Variants in ANKS1B observed in about 807,000 individuals in gnomAD.
The protein encoded by ANKS1B is ankyrin repeat and sterile alpha motif domain containing 1B.
In ANKS1B, 36 loss-of-function variants were observed where a neutral mutation model predicts 148.3. The observed-to-expected ratio is 0.24, with a 90% CI of 0.19 to 0.32. The LOEUF is 0.32. Ranked by LOEUF, ANKS1B falls within the 10% of genes least tolerant of loss-of-function variation. ANKS1B has a pLI of 1.00. For missense variants in ANKS1B, 1,157 were observed against 1,542.6 expected (o/e 0.75, Z 4.19); for synonymous variants, 542 against 560.8 (o/e 0.97, Z 0.47).
At chr12:99,286,401 A>G (rs2079120585) in intron 12 of ANKS1B, among the ~76,000 whole-genome samples, 1 of 151,918 alleles carries the variant, frequency 6.6e-6, no homozygotes, top group Admixed American at 6.6e-5. Context: ...AACATGAGCA[A>G]TACCCAGGCA....
intron 14 of ANKS1B, among the ~76,000 whole-genome samples, chr12:99,218,579 A>T (rs1007642749): frequency 3.9e-5 from 6 of 152,204 alleles, no homozygotes; most frequent in Admixed American, 3.9e-4. Flanking sequence ...CCCTGGAAAG[A>T]TTCATGAAAT....
At chr12:99,945,400 C>G (rs1030504975) in intron 1 of ANKS1B, among the ~76,000 whole-genome samples, 32 of 145,458 alleles carry the variant, frequency 2.2e-4, no homozygotes, top group Admixed American at 1.9e-3. Flanking sequence ...TGGACAAAAA[C>G]AAAAGTAGTA....
chr12:98,941,979 AC>A (rs2099837501), intron 17 of ANKS1B, among the ~76,000 whole-genome samples: 1 of 152,178 alleles, frequency 6.6e-6, no homozygotes, highest in African/African-American at 2.4e-5. Flanking sequence ...ACAGTGGCTC[AC>A]GCCTGTAATC....
intron 8 of ANKS1B, among the ~76,000 whole-genome samples, chr12:99,700,102 T>G (rs1055934242): frequency 1.3e-5 from 2 of 152,182 alleles, no homozygotes; most frequent in African/African-American, 4.8e-5. Flanking sequence ...AGAAGACAAC[T>G]TTTAAAATAT....
chr12:99,317,676 C>T lies in ANKS1B; in HGVS notation c.1757-70812G>A, dbSNP rs552053390. ...TTATTTCTTTCTCCTGCCTGATTTG[C>T]CCTGGCCAGAACTTCCAACACTATG... On this transcript the variant is annotated intron_variant, in intron 12 of 26. Coordinates refer to ENST00000683438, the MANE Select transcript of ANKS1B (RefSeq NM_001352186.2). 1.4e-4 allele frequency among the ~76,000 whole-genome samples: 22 copies of T among 152,262 alleles called. 1 individual carries two copies. Among genetic ancestry groups the T allele is most frequent in the Admixed American group, 1.0e-3 (16 of 15,284 alleles).
chr12:99,837,014 T>C (rs973131429), intron 1 of ANKS1B, among the ~76,000 whole-genome samples: 1 of 152,134 alleles, frequency 6.6e-6, no homozygotes. Flanking sequence ...AGGTTGCAGA[T>C]AGACTTACAT....
intron 12 of ANKS1B, among the ~76,000 whole-genome samples, chr12:99,278,147 C>G (rs1052789332): frequency 6.6e-6 from 1 of 152,252 alleles, no homozygotes; most frequent in Non-Finnish European, 1.5e-5. Flanking sequence ...TTACATTTCT[C>G]TAGCTCCCTT....
At chr12:99,413,218 T>G (rs1049727433) in intron 11 of ANKS1B, among the ~76,000 whole-genome samples, 1 of 152,344 alleles carries the variant, frequency 6.6e-6, no homozygotes, top group Admixed American at 6.5e-5. Context: ...TTCCATTTTA[T>G]AGACTTGAGA....
chr12:99,046,729 G>C (rs548108136), intron 17 of ANKS1B, among the ~76,000 whole-genome samples: 13 of 151,852 alleles, frequency 8.6e-5, no homozygotes, highest in African/African-American at 3.1e-4. Context: ...AACCCAGGAG[G>C]TGGAGCTTGC....
chr12:99,051,798 T>A (rs1190403702), intron 17 of ANKS1B, among the ~76,000 whole-genome samples: 1 of 152,226 alleles, frequency 6.6e-6, no homozygotes, highest in African/African-American at 2.4e-5. Flanking sequence ...CAAGAACAAT[T>A]TCTATACGAT....
chr12:99,078,873 T>A (rs989221843), intron 16 of ANKS1B, among the ~76,000 whole-genome samples: 1 of 152,098 alleles, frequency 6.6e-6, no homozygotes, highest in Non-Finnish European at 1.5e-5. Context: ...AAAGATGGGA[T>A]GTCACTTGTG....
rs114322388 is a variant in ANKS1B at position 99,380,678 on chromosome 12, C to T, written c.1756+18953G>A. Among the ~76,000 whole-genome samples the T allele has an allele frequency of 6.5e-3, 995 of 152,122 alleles. 16 individuals are homozygous for T. The highest frequency in any genetic ancestry group is 0.023 in the African/African-American group (950 of 41,478). Reference sequence around the variant, plus strand: ...TGATATATTGATTAGAAAAAAATTACATTTAGCCACACCTAAACTTATTTT... The same window carrying T: ...TGATATATTGATTAGAAAAAAATTATATTTAGCCACACCTAAACTTATTTT... On this transcript the variant is annotated intron_variant, in intron 12 of 26. Coordinates refer to ENST00000683438, the MANE Select transcript of ANKS1B (RefSeq NM_001352186.2).
At chr12:99,089,026 T>C (rs939917166) in intron 15 of ANKS1B, among the ~76,000 whole-genome samples, 3 of 151,858 alleles carry the variant, frequency 2.0e-5, no homozygotes, top group African/African-American at 7.3e-5. Context: ...GGTTTCATCA[T>C]GTTGGCCAGG....
intron 17 of ANKS1B, among the ~76,000 whole-genome samples, chr12:98,893,294 T>C (rs549135351): frequency 4.6e-5 from 7 of 152,310 alleles, no homozygotes; most frequent in African/African-American, 1.7e-4. Context: ...CTACTCATTA[T>C]AGCCTATTTT....
intron 12 of ANKS1B, among the ~76,000 whole-genome samples, chr12:99,273,737 C>T (rs776624647): frequency 6.0e-5 from 9 of 150,780 alleles, no homozygotes; most frequent in South Asian, 2.1e-4. Flanking sequence ...CCACCACACC[C>T]GGCTAATTTT....
chr12:98,913,654 G>A (rs552474837), intron 17 of ANKS1B, among the ~76,000 whole-genome samples: 103 of 152,268 alleles, frequency 6.8e-4, no homozygotes, highest in African/African-American at 2.3e-3. Context: ...TTGAGATGGA[G>A]TCTTGCTCTG....
chr12:98,801,240 GGT>G lies in ANKS1B; in HGVS notation c.3142-117_3142-116del. ...CTGTGAATGTACCAAAATGCATTTGGGTGTCTTATGTGAATATAAATACTTGG... is the reference window on the plus strand; with the variant it reads ...CTGTGAATGTACCAAAATGCATTTGGGTCTTATGTGAATATAAATACTTGG... On this transcript the variant is annotated intron_variant, in intron 20 of 26. Transcript: ENST00000683438. This position sits in a 1 kb window ranked among gnomAD's most constrained non-coding sequence, Gnocchi z 5.2. 1 of 966,694 alleles carries G rather than the reference GGT, an allele frequency of 1.0e-6. No individual in the cohort carries two copies. The highest frequency in any genetic ancestry group is 1.5e-6 in the Non-Finnish European group (1 of 670,676). 59.9% of individuals were successfully genotyped at this position (966,694 alleles called of 1,614,324 possible).
chr12:99,951,291 GACTT>G (rs2095215805), intron 1 of ANKS1B, among the ~76,000 whole-genome samples: 2 of 152,184 alleles, frequency 1.3e-5, no homozygotes, highest in Admixed American at 1.3e-4. Context: ...TCAGTCTAGA[GACTT>G]ACATCCACCG....
intron 17 of ANKS1B, among the ~76,000 whole-genome samples, chr12:98,834,747 T>C (rs1318498074): frequency 6.6e-6 from 1 of 152,234 alleles, no homozygotes; most frequent in African/African-American, 2.4e-5. Context: ...AGTGTGGCCC[T>C]ACTGCTGATT....
Sources: allele counts gnomAD v4.1 joint callset (sites outside exome capture counted in the v4.1 genomes callset), GRCh38; gene constraint gnomAD v4.1.1; non-coding constraint Gnocchi (gnomAD v3.1); transcripts MANE v1.5; gene names NCBI Gene and HGNC (gene_info 2026-07-23, HGNC 2026-07-21).